MACROD2: variants seen among roughly 807,000 people sequenced by gnomAD.
MACROD2 encodes the protein ADP-ribose glycohydrolase MACROD2.
In MACROD2, 36 loss-of-function variants were observed where a neutral mutation model predicts 70.4. That is an observed-to-expected ratio of 0.51 (90% CI 0.39 to 0.68). The LOEUF (loss-of-function observed/expected upper bound fraction) is 0.68, where lower values mean the gene tolerates loss of function less well. Ranked by LOEUF, MACROD2 falls within the 30% of genes least tolerant of loss-of-function variation. MACROD2 has a pLI of 0.00. For synonymous variants in MACROD2, 172 were observed against 178.8 expected, an observed-to-expected ratio of 0.96 and a Z score of 0.30; for missense variants, 496 against 538.4, an observed-to-expected ratio of 0.92 and a Z score of 0.78.
intron 10 of MACROD2, among the ~76,000 whole-genome samples, chr20:15,920,058 A>G (rs2065379417): frequency 6.6e-6 from 1 of 152,216 alleles, no homozygotes. Flanking sequence ...TCATGGGAGA[A>G]GTGACAGGTT....
intron 5 of MACROD2, among the ~76,000 whole-genome samples, chr20:14,715,269 A>G (rs1016730463): frequency 2.6e-5 from 4 of 152,140 alleles, no homozygotes; most frequent in African/African-American, 9.7e-5. Context: ...AACTGTCTCC[A>G]TGATTCAATT....
intron 12 of MACROD2, among the ~76,000 whole-genome samples, chr20:15,944,069 C>T (rs2065787318): frequency 6.6e-6 from 1 of 151,942 alleles, no homozygotes; most frequent in Non-Finnish European, 1.5e-5. Context: ...TAGCCAGTGC[C>T]CTAATGTTAG....
chr20:15,078,972 C>A (rs549986823), intron 5 of MACROD2, among the ~76,000 whole-genome samples: 3 of 152,062 alleles, frequency 2.0e-5, no homozygotes, highest in African/African-American at 4.8e-5. Flanking sequence ...TACAGTGAGG[C>A]CTGGCTGTCT....
At chr20:14,389,030 A>G (rs556051241) in intron 3 of MACROD2, among the ~76,000 whole-genome samples, 3 of 151,598 alleles carry the variant, frequency 2.0e-5, no homozygotes, top group Non-Finnish European at 4.4e-5. Flanking sequence ...GGCACCCTCC[A>G]CCATACCCAG....
At chr20:15,261,016 C>A (rs1194577030) in intron 6 of MACROD2, among the ~76,000 whole-genome samples, 1 of 151,866 alleles carries the variant, frequency 6.6e-6, no homozygotes, top group Non-Finnish European at 1.5e-5. Flanking sequence ...TAAAATATGA[C>A]CATAGAACAA....
chr20:15,729,831 C>CTTTCTTTTTTTTTTT, intron 8 of MACROD2, among the ~76,000 whole-genome samples: 1 of 64,772 alleles, frequency 1.5e-5, no homozygotes, highest in Non-Finnish European at 2.8e-5. Context: ...TTGGGTCATG[C>CTTTCTTTTTTTTTTT]TTTTTTTTTT....
At chr20:15,502,434 A>G (rs1483448842) in intron 8 of MACROD2, among the ~76,000 whole-genome samples, 1 of 152,212 alleles carries the variant, frequency 6.6e-6, no homozygotes, top group African/African-American at 2.4e-5. Flanking sequence ...GAGTCAGATT[A>G]TAGGGTCTTG....
intron 3 of MACROD2, among the ~76,000 whole-genome samples, chr20:14,154,552 A>ATTTTTTTTTTTTTTTTTTTTTTTTT (rs869299523): frequency 9.4e-6 from 1 of 106,652 alleles, no homozygotes; most frequent in Non-Finnish European, 1.9e-5. Flanking sequence ...CGCCCGGCTA[A>ATTTTTTTTTTTTTTTTTTTTTTTTT]TTTTTTTTTT....
At chr20:15,554,595 A>G in intron 8 of MACROD2, among the ~76,000 whole-genome samples, 1 of 152,110 alleles carries the variant, frequency 6.6e-6, no homozygotes, top group East Asian at 1.9e-4. Flanking sequence ...CATTTTCTTA[A>G]ACAAAACATG....
chr20:15,549,762 T>G (rs1330840799), intron 8 of MACROD2, among the ~76,000 whole-genome samples: 1 of 152,132 alleles, frequency 6.6e-6, no homozygotes, highest in Non-Finnish European at 1.5e-5. Context: ...AATTACCACT[T>G]AGCATATTCC....
intron 5 of MACROD2, among the ~76,000 whole-genome samples, chr20:15,198,973 A>AT (rs1196639100): frequency 2.9e-5 from 4 of 136,948 alleles, no homozygotes; most frequent in African/African-American, 8.0e-5. Context: ...TTCATTGAGC[A>AT]TTTTTTTTCA....
chr20:14,408,039 T>A, intron 3 of MACROD2, among the ~76,000 whole-genome samples: 1 of 152,138 alleles, frequency 6.6e-6, no homozygotes, highest in East Asian at 1.9e-4. Context: ...ATTTACTGAC[T>A]TTGTGACTTT....
At position 15,938,164 on chromosome 20, in the gene MACROD2, A is replaced by T. The variant is rs1028865320; in HGVS notation, c.907+620A>T. Reference sequence around the variant, plus strand: ...GATCTGGGGATGCTACAATTAAAAAAATATATATCTAAAGGAAAACAAAAT... The same window carrying T: ...GATCTGGGGATGCTACAATTAAAAATATATATATCTAAAGGAAAACAAAAT... On this transcript the variant is annotated intron_variant, in intron 12 of 17. Coordinates refer to ENST00000684519, the MANE Select transcript of MACROD2 (RefSeq NM_001351661.2). 3.3e-5 allele frequency among the ~76,000 whole-genome samples: 5 copies of T among 152,184 alleles called. No individual in the cohort carries two copies. The East Asian group carries it at 5.8e-4, about 18-fold the overall frequency.
At chr20:14,344,923 C>T (rs1209566321) in intron 3 of MACROD2, among the ~76,000 whole-genome samples, 1 of 152,186 alleles carries the variant, frequency 6.6e-6, no homozygotes, top group Non-Finnish European at 1.5e-5. Flanking sequence ...AGGGAACAGA[C>T]TTGTCACTCT....
intron 3 of MACROD2, among the ~76,000 whole-genome samples, chr20:14,191,427 T>C (rs1266218623): frequency 6.6e-6 from 1 of 152,226 alleles, no homozygotes; most frequent in Non-Finnish European, 1.5e-5. Context: ...TTTTAAATGG[T>C]ATATAATCCG....
chr20:14,515,128 C>T (rs190856292), intron 4 of MACROD2, among the ~76,000 whole-genome samples: 5 of 151,910 alleles, frequency 3.3e-5, no homozygotes, highest in African/African-American at 7.2e-5. Context: ...CTACAAAGCT[C>T]AATAGATGAG....
chr20:14,960,051 A>G (rs890510755), intron 5 of MACROD2, among the ~76,000 whole-genome samples: 3 of 152,174 alleles, frequency 2.0e-5, no homozygotes, highest in Admixed American at 2.0e-4. Context: ...CTCTTCCCAA[A>G]GAGACTAACA....
At chr20:14,844,375 G>C (rs1332224670) in intron 5 of MACROD2, among the ~76,000 whole-genome samples, 1 of 151,874 alleles carries the variant, frequency 6.6e-6, no homozygotes, top group African/African-American at 2.4e-5. Flanking sequence ...AAATTAGCCA[G>C]GCTTGGTGGC....
chr20:15,029,996 A>T (rs922140675), intron 5 of MACROD2, among the ~76,000 whole-genome samples: 2 of 151,292 alleles, frequency 1.3e-5, no homozygotes, highest in Non-Finnish European at 2.9e-5. Context: ...AGGCTGAGGC[A>T]CGAGAGTTGC....
Sources: allele counts gnomAD v4.1 joint callset (sites outside exome capture counted in the v4.1 genomes callset), GRCh38; gene constraint gnomAD v4.1.1; transcripts MANE v1.5; gene names NCBI Gene and HGNC (gene_info 2026-07-23, HGNC 2026-07-21).